DSCAML1: variants seen among roughly 807,000 people sequenced by gnomAD.
The protein encoded by DSCAML1 is cell adhesion molecule DSCAML1.
In DSCAML1, 38 loss-of-function variants were observed where a neutral mutation model predicts 200.5. The observed-to-expected ratio is 0.19, with a 90% confidence interval of 0.15 to 0.25. DSCAML1 has a LOEUF of 0.25. Among genes scored for constraint, DSCAML1 ranks in the 10% least tolerant of loss-of-function variants. The pLI is 1.00. For synonymous variants in DSCAML1, 1,215 were observed against 1,165.0 expected (o/e 1.04, Z -0.87); for missense variants, 2,223 against 2,858.8 (o/e 0.78, Z 5.07).
intron 3 of DSCAML1, among the ~76,000 whole-genome samples, chr11:117,590,225 G>C (rs1456665290): frequency 6.6e-6 from 1 of 152,040 alleles, no homozygotes; most frequent in Non-Finnish European, 1.5e-5. Context: ...GCCTTGCTCT[G>C]TTGCCCAGGC....
At chr11:117,720,526 CG>C (rs1455831109) in intron 3 of DSCAML1, among the ~76,000 whole-genome samples, 3 of 152,120 alleles carry the variant, frequency 2.0e-5, no homozygotes, top group Non-Finnish European at 2.9e-5. Context: ...AGAGAACACG[CG>C]AATGAAGGGG....
chr11:117,480,638 C>A lies in DSCAML1; in HGVS notation c.2657-67G>T, dbSNP rs577166. ...CAGGGAGCTTGGCCTCCTGCTTGGC[C>A]CTGAGGATTGGCATCACCTGGGTCT... On this transcript the variant is annotated intron_variant, in intron 13 of 32. Coordinates refer to ENST00000651296, the MANE Select transcript of DSCAML1 (RefSeq NM_020693.4). The surrounding 1 kb of genome is among the most constrained non-coding windows in gnomAD (Gnocchi z 4.1). The A allele has an allele frequency of 5.9e-6, 9 of 1,536,014 alleles. No individual in the cohort carries two copies. Among genetic ancestry groups the A allele is most frequent in the Non-Finnish European group, 7.0e-6 (8 of 1,138,972 alleles).
chr11:117,665,668 C>A (rs926116678), intron 3 of DSCAML1, among the ~76,000 whole-genome samples: 1 of 152,126 alleles, frequency 6.6e-6, no homozygotes, highest in African/African-American at 2.4e-5. Flanking sequence ...GAGATAGTAA[C>A]TCGCCCACCA....
At chr11:117,753,061 G>A (rs1428985195) in intron 3 of DSCAML1, among the ~76,000 whole-genome samples, 1 of 152,196 alleles carries the variant, frequency 6.6e-6, no homozygotes, top group Non-Finnish European at 1.5e-5. Flanking sequence ...AGACCTGGCT[G>A]AGTCCTGCCT....
rs2051332014 is a variant in DSCAML1, at chr11:117,594,924, T to TA, written c.512-62403_512-62402insT. ...TCTGTGGTGGGATTTTCATTCCTCATTGTTACCTCTGTCAAGAAGGGACTC... is the reference window on the plus strand; with the variant it reads ...TCTGTGGTGGGATTTTCATTCCTCATATGTTACCTCTGTCAAGAAGGGACTC... On this transcript the variant is annotated intron_variant, in intron 3 of 32. Transcript: ENST00000651296. Among the ~76,000 whole-genome samples the TA allele has an allele frequency of 1.1e-4, 16 of 152,350 alleles. No homozygotes were observed. The South Asian group carries it at 2.9e-3, about 28-fold the overall frequency.
rs751235597 is a variant in DSCAML1, at chr11:117,450,609, C to T, written c.3648G>A (p.Lys1216=). Residue 1216 remains lysine (K), a synonymous_variant, in exon 20 of 33, where the codon AAG becomes AAA. Coordinates refer to ENST00000651296, the MANE Select transcript of DSCAML1 (RefSeq NM_020693.4). Reference sequence around the variant, plus strand: ...TGTACTTGCGGATCACCCCGTTGGGCTTGGTAGGGGGGAGCCAAGACACAA... The same window carrying T: ...TGTACTTGCGGATCACCCCGTTGGGTTTGGTAGGGGGGAGCCAAGACACAA... ...SVVVSWLPPT[K]PNGVIRKYTI... 52 of 1,614,086 alleles carry T rather than the reference C, an allele frequency of 3.2e-5. No homozygotes were observed. The highest frequency in any genetic ancestry group is 4.3e-5 in the Non-Finnish European group (51 of 1,180,044).
At chr11:117,648,353 G>A (rs890473413) in intron 3 of DSCAML1, among the ~76,000 whole-genome samples, 4 of 152,212 alleles carry the variant, frequency 2.6e-5, no homozygotes, top group African/African-American at 7.2e-5. Flanking sequence ...TTTCCTGAGC[G>A]CCAAAGCCCT....
chr11:117,769,324 T>A (rs1431474551), intron 3 of DSCAML1, among the ~76,000 whole-genome samples: 9 of 15,592 alleles, frequency 5.8e-4, no homozygotes, highest in African/African-American at 1.3e-3. Context: ...AATATATATT[T>A]TATATATATA....
chr11:117,759,797 C>T (rs1361097893), intron 3 of DSCAML1, among the ~76,000 whole-genome samples: 1 of 152,194 alleles, frequency 6.6e-6, no homozygotes, highest in Non-Finnish European at 1.5e-5. Flanking sequence ...TCAGTGGCCT[C>T]ATGCTGAGTC....
At chr11:117,797,361 A>T (rs1268473158), upstream of DSCAML1, 2 of 1,079,136 alleles carry the variant, frequency 1.9e-6, no homozygotes, top group Admixed American at 8.6e-5. Context: ...CAGCCCCACA[A>T]GCCCAGGAAC....
intron 3 of DSCAML1, among the ~76,000 whole-genome samples, chr11:117,599,712 A>G (rs2051429728): frequency 6.6e-6 from 1 of 152,246 alleles, no homozygotes; most frequent in African/African-American, 2.4e-5. Context: ...TAAGGGCTGC[A>G]GGACCCTGGT....
At chr11:117,781,338 A>G (rs1165184137) in intron 1 of DSCAML1, among the ~76,000 whole-genome samples, 1 of 152,070 alleles carries the variant, frequency 6.6e-6, no homozygotes, top group Non-Finnish European at 1.5e-5. Flanking sequence ...AGAAAAAAAG[A>G]AAATCCCAGG....
intron 11 of DSCAML1, among the ~76,000 whole-genome samples, chr11:117,499,921 C>T (rs377424692): frequency 3.3e-5 from 5 of 152,238 alleles, no homozygotes; most frequent in Admixed American, 2.0e-4. Flanking sequence ...TCCAGACCCT[C>T]GGACTCCTGG....
In DSCAML1 at chr11:117,505,419, C is replaced by T; in HGVS notation, c.2062+35G>A. 1 of 1,594,304 alleles carries T rather than the reference C, an allele frequency of 6.3e-7. No individual in the cohort carries two copies. The highest frequency in any genetic ancestry group is 8.5e-7 in the Non-Finnish European group (1 of 1,173,018). ...GCAGTAGCAGCAGGCAGAATGGGCTCCTCCCTCCCCTGAGGCTGGCCTGTC... is the reference window on the plus strand; with the variant it reads ...GCAGTAGCAGCAGGCAGAATGGGCTTCTCCCTCCCCTGAGGCTGGCCTGTC... On this transcript the variant is annotated intron_variant, in intron 9 of 32. Transcript: ENST00000651296. The surrounding 1 kb of genome is among the most constrained non-coding windows in gnomAD (Gnocchi z 6.7).
chr11:117,564,311 T>A lies in DSCAML1; in HGVS notation c.512-31789A>T, dbSNP rs563518155. Among the ~76,000 whole-genome samples, 6 of 152,324 alleles carry A rather than the reference T, an allele frequency of 3.9e-5. No homozygotes were observed. In the South Asian group the frequency reaches 1.2e-3, roughly 32 times the overall value. On this transcript the variant is annotated intron_variant, in intron 3 of 32. Transcript: ENST00000651296. ...CCTTCCGAGATGGAATCCATTTCTC[T>A]ACCTTGTGCAGAGACACTCTTCTTT...
upstream of DSCAML1, among the ~76,000 whole-genome samples, chr11:117,800,576 G>A (rs1463280872): frequency 6.6e-6 from 1 of 152,184 alleles, no homozygotes; most frequent in Admixed American, 6.5e-5. Flanking sequence ...ATTTTTTTAA[G>A]CCTCAAATTT....
intron 3 of DSCAML1, among the ~76,000 whole-genome samples, chr11:117,603,449 C>T (rs2051504507): frequency 6.6e-6 from 1 of 152,200 alleles, no homozygotes. Context: ...GGCAAGTTAA[C>T]CTCTCTAGGC....
intron 1 of DSCAML1, among the ~76,000 whole-genome samples, chr11:117,793,881 G>A (rs1022234260): frequency 1.3e-5 from 2 of 152,122 alleles, no homozygotes; most frequent in Non-Finnish European, 2.9e-5. Flanking sequence ...AAGGCTTGTC[G>A]GGCATCATGG....
intron 8 of DSCAML1, among the ~76,000 whole-genome samples, chr11:117,507,618 C>T (rs902408080): frequency 3.3e-5 from 5 of 152,174 alleles, no homozygotes; most frequent in African/African-American, 1.2e-4. Flanking sequence ...TCTTCCACCT[C>T]GCGCTCACTC....
Sources: gnomAD v4.1 joint callset for allele counts (sites outside exome capture counted in the v4.1 genomes callset) on GRCh38, gnomAD v4.1.1 for gene constraint, Gnocchi (gnomAD v3.1) non-coding constraint, MANE v1.5 for transcripts, NCBI Gene and HGNC (gene_info 2026-07-23, HGNC 2026-07-21) for gene names.